CCDC102B: variants seen among roughly 807,000 people sequenced by gnomAD.
CCDC102B encodes coiled-coil domain-containing protein 102B.
Under a neutral mutation model 57.4 loss-of-function variants are expected in CCDC102B, and 75 were observed. The ratio of observed to expected loss-of-function variants is 1.31; its 90% CI spans 1.08 to 1.58. CCDC102B has a LOEUF of 1.58. Ranked by LOEUF, CCDC102B falls within the 40% of genes most tolerant of loss-of-function variation. The pLI, the probability that CCDC102B is intolerant of heterozygous loss-of-function variation, is 0.00. For missense variants in CCDC102B, 636 were observed against 582.6 expected, an observed-to-expected ratio of 1.09 and a Z score of -0.94; for synonymous variants, 206 against 201.9, an observed-to-expected ratio of 1.02 and a Z score of -0.17.
At chr18:68,755,814 T>C (rs1326009601) in intron 2 of CCDC102B, among the ~76,000 whole-genome samples, 1 of 151,386 alleles carries the variant, frequency 6.6e-6, no homozygotes, top group East Asian at 1.9e-4. Context: ...GAATCAATCA[T>C]GTAGAAGACC....
chr18:68,944,067 T>G (rs8095646), intron 6 of CCDC102B, among the ~76,000 whole-genome samples: 150,619 of 152,208 alleles, frequency 0.99, 74,555 homozygotes, highest in East Asian at 1. Flanking sequence ...TACATTGTTT[T>G]TTCCAGTATG....
intron 4 of CCDC102B, among the ~76,000 whole-genome samples, chr18:68,854,395 C>T (rs2038289333): frequency 1.3e-5 from 2 of 152,008 alleles, no homozygotes; most frequent in Admixed American, 6.6e-5. Context: ...CCACCGTGCC[C>T]GGCAGCATAA....
At chr18:68,798,825 G>GA (rs543043424) in intron 1 of CCDC102B, among the ~76,000 whole-genome samples, 1 of 151,518 alleles carries the variant, frequency 6.6e-6, no homozygotes, top group African/African-American at 2.4e-5. Context: ...TTATAAAACT[G>GA]AAAAAAAATC....
chr18:68,999,174 A>G (rs555842180), intron 6 of CCDC102B, among the ~76,000 whole-genome samples: 12 of 152,104 alleles, frequency 7.9e-5, no homozygotes, highest in Admixed American at 5.2e-4. Flanking sequence ...AGAGAAAAAA[A>G]CACTGGAGAT....
intron 2 of CCDC102B, among the ~76,000 whole-genome samples, chr18:68,788,138 T>G (rs1199382726): frequency 6.6e-6 from 1 of 152,132 alleles, no homozygotes; most frequent in East Asian, 1.9e-4. Context: ...GTTGAGCGGT[T>G]TTGAGTGAGA....
chr18:68,991,644 AG>A (rs1320328090), intron 6 of CCDC102B, among the ~76,000 whole-genome samples: 1 of 152,234 alleles, frequency 6.6e-6, no homozygotes, highest in African/African-American at 2.4e-5. Context: ...CAAGCTCTCT[AG>A]GGATGCAAAA....
At chr18:68,765,330 AAAGAAAG>A in intron 2 of CCDC102B, among the ~76,000 whole-genome samples, 1 of 87,584 alleles carries the variant, frequency 1.1e-5, no homozygotes, top group Non-Finnish European at 2.5e-5. Context: ...GGAAGGAAAG[AAAGAAAG>A]AAAGAAAGAA....
intron 1 of CCDC102B, among the ~76,000 whole-genome samples, chr18:68,812,605 A>C (rs2036311198): frequency 6.6e-6 from 1 of 152,228 alleles, no homozygotes; most frequent in African/African-American, 2.4e-5. Context: ...TTGAATATTA[A>C]TTGGGTAGGT....
chr18:68,824,559 G>T (rs2036829183), intron 1 of CCDC102B, among the ~76,000 whole-genome samples: 1 of 152,178 alleles, frequency 6.6e-6, no homozygotes, highest in African/African-American at 2.4e-5. Flanking sequence ...GGAGTGGTGA[G>T]AGTGGGCATC....
intron 2 of CCDC102B, among the ~76,000 whole-genome samples, chr18:68,741,666 G>A (rs1429570784): frequency 3.2e-5 from 3 of 92,694 alleles, no homozygotes; most frequent in African/African-American, 8.3e-5. Flanking sequence ...GTGAAGACTG[G>A]TCACACACAC....
At chr18:68,951,323 T>C (rs984301152) in intron 6 of CCDC102B, among the ~76,000 whole-genome samples, 1 of 152,102 alleles carries the variant, frequency 6.6e-6, no homozygotes, top group Non-Finnish European at 1.5e-5. Flanking sequence ...AGAAATAAAA[T>C]TGGAGTAGTA....
intron 1 of CCDC102B, among the ~76,000 whole-genome samples, chr18:68,808,767 A>G (rs556824745): frequency 6.6e-6 from 1 of 152,094 alleles, no homozygotes; most frequent in Non-Finnish European, 1.5e-5. Context: ...CGTGAGCCAC[A>G]GCGCCCGGCT....
intron 6 of CCDC102B, among the ~76,000 whole-genome samples, chr18:68,940,321 T>C (rs1258915910): frequency 6.6e-6 from 1 of 151,842 alleles, no homozygotes; most frequent in African/African-American, 2.4e-5. Flanking sequence ...TTTTTAGTCT[T>C]GATTTCGAAA....
chr18:68,772,989 G>T (rs2034691367), intron 2 of CCDC102B, among the ~76,000 whole-genome samples: 1 of 151,988 alleles, frequency 6.6e-6, no homozygotes. Flanking sequence ...GAGGGCAAAT[G>T]AATGTTACAA....
chr18:68,900,828 C>T (rs2040424701), intron 6 of CCDC102B, among the ~76,000 whole-genome samples: 1 of 152,140 alleles, frequency 6.6e-6, no homozygotes, highest in South Asian at 2.1e-4. Context: ...CAAGTTATTA[C>T]AGCCAGTTCG....
At chr18:68,917,371 T>C (rs1376391327) in intron 6 of CCDC102B, among the ~76,000 whole-genome samples, 1 of 152,072 alleles carries the variant, frequency 6.6e-6, no homozygotes, top group East Asian at 1.9e-4. Flanking sequence ...GTAGCTGTGC[T>C]CAGCATAGCT....
chr18:68,947,952 G>A (rs952238), intron 6 of CCDC102B, among the ~76,000 whole-genome samples: 39,059 of 151,956 alleles, frequency 0.26, 6,395 homozygotes, highest in East Asian at 0.59. Flanking sequence ...TTATGTAAGG[G>A]AAGCCATAAC....
intron 2 of CCDC102B, among the ~76,000 whole-genome samples, chr18:68,751,983 C>T (rs183052807): frequency 2.5e-3 from 377 of 152,256 alleles, no homozygotes; most frequent in African/African-American, 7.8e-3. Context: ...GCATCAAGGT[C>T]GGGCATGGTA....
At chr18:68,752,224 C>G (rs2033880466) in intron 2 of CCDC102B, among the ~76,000 whole-genome samples, 1 of 152,048 alleles carries the variant, frequency 6.6e-6, no homozygotes, top group Non-Finnish European at 1.5e-5. Flanking sequence ...CGCGCCACTG[C>G]ACTCCAGCCT....
Sources: allele counts gnomAD v4.1 joint callset (sites outside exome capture counted in the v4.1 genomes callset), GRCh38; gene constraint gnomAD v4.1.1; transcripts MANE v1.5; gene names NCBI Gene and HGNC (gene_info 2026-07-23, HGNC 2026-07-21).